Variants in ADPRHL1 observed in about 807,000 individuals in gnomAD.
ADPRHL1 encodes ADP-ribosylhydrolase like 1, also known as inactive ADP-ribosyltransferase ARH2.
In ADPRHL1, 43 loss-of-function variants were observed where a neutral mutation model predicts 44.1. The ratio of observed to expected loss-of-function variants is 0.98; its 90% CI spans 0.76 to 1.26. The LOEUF (loss-of-function observed/expected upper bound fraction) is 1.26, where lower values mean the gene tolerates loss of function less well. Ranked by LOEUF, ADPRHL1 falls within the 50% of genes most tolerant of loss-of-function variation. The probability of loss-of-function intolerance (pLI) is 0.00; values close to 1 mark genes in which losing one functional copy is unlikely to be tolerated. For synonymous variants in ADPRHL1, 878 were observed against 1,017.4 expected, an observed-to-expected ratio of 0.86 and a Z score of 2.61; for missense variants, 2,022 against 2,496.9, an observed-to-expected ratio of 0.81 and a Z score of 4.05.
intron 7 of ADPRHL1, among the ~76,000 whole-genome samples, chr13:113,415,202 C>T (rs772861160): frequency 6.6e-6 from 1 of 152,184 alleles, no homozygotes. Flanking sequence ...TGCTGGTCAG[C>T]CTAGAGGGAC....
intron 1 of ADPRHL1, among the ~76,000 whole-genome samples, chr13:113,449,853 G>A (rs897582848): frequency 1.3e-5 from 2 of 152,224 alleles, no homozygotes; most frequent in Admixed American, 6.5e-5. Flanking sequence ...CAGTCAGGGA[G>A]GATGCTTACG....
chr13:113,405,115 G>A lies in ADPRHL1; in HGVS notation c.4167C>T (p.Thr1389=), dbSNP rs1038367482. 6 of 1,232,116 alleles carry A rather than the reference G, an allele frequency of 4.9e-6. No homozygotes were observed. In the East Asian group the frequency reaches 9.5e-5, roughly 19 times the overall value. The allele number at this position is 1,232,116 out of a possible 1,614,324, so 76.3% of individuals were successfully genotyped here. The part of the protein sequence containing the change: ...RQQSHQAQEE[T]PQPGDAGKRV... Reference sequence around the variant, plus strand: ...TCTTCCCCGCATCCCCGGGCTGGGGGGTCTCCTCCTGTGCCTGGTGACTCT... The same window carrying A: ...TCTTCCCCGCATCCCCGGGCTGGGGAGTCTCCTCCTGTGCCTGGTGACTCT... Residue 1389 remains threonine, a synonymous_variant, in exon 8 of 8, where the codon ACC becomes ACT. Coordinates refer to ENST00000612156, the MANE Select transcript of ADPRHL1 (RefSeq NM_001394807.1).
chr13:113,437,619 C>T (rs926046952), intron 2 of ADPRHL1, among the ~76,000 whole-genome samples: 5 of 152,228 alleles, frequency 3.3e-5, no homozygotes, highest in African/African-American at 9.7e-5. Context: ...GAAGCGCCCA[C>T]GTTGTTGGGG....
chr13:113,411,831 T>C (rs1328671800), intron 7 of ADPRHL1, among the ~76,000 whole-genome samples: 1 of 152,226 alleles, frequency 6.6e-6, no homozygotes, highest in Non-Finnish European at 1.5e-5. Flanking sequence ...AGAGCCTTTG[T>C]GTTTTGCAAT....
chr13:113,439,126 T>C (rs1350459794), intron 2 of ADPRHL1, among the ~76,000 whole-genome samples: 1 of 152,168 alleles, frequency 6.6e-6, no homozygotes, highest in African/African-American at 2.4e-5. Flanking sequence ...CTTTTTTTTT[T>C]CTTTTTTTGA....
intron 1 of ADPRHL1, among the ~76,000 whole-genome samples, chr13:113,451,909 G>A (rs1595559256): frequency 1.3e-5 from 2 of 152,228 alleles, no homozygotes; most frequent in African/African-American, 4.8e-5. Flanking sequence ...CTTTTGGAGT[G>A]TCCTGTGCCG....
rs61278696 is a variant in ADPRHL1, at chr13:113,448,465, CAAAAAAAAA to C, written c.215-3885_215-3877del. On this transcript the variant is annotated intron_variant, in intron 1 of 7. Transcript: ENST00000612156. ...CGGGCAAAAGAGTGAGACTATGTCC[CAAAAAAAAA>C]AAAAAAAAAAAAAAAAATGGTGCCT... is the stretch of plus-strand genomic sequence containing the variant. Among the ~76,000 whole-genome samples, 4 of 39,852 alleles carry C rather than the reference CAAAAAAAAA, an allele frequency of 1.0e-4. 1 individual carries two copies. Among genetic ancestry groups the C allele is most frequent in the Admixed American group, 7.1e-4 (2 of 2,826 alleles). The allele number at this position is 39,852 out of a possible 152,430, so 26.1% of individuals were successfully genotyped here. A position where few individuals can be genotyped will look rare whatever the true frequency, so the allele number is the denominator to read the frequency against.
At chr13:113,435,571 T>C (rs1400931891) in intron 2 of ADPRHL1, among the ~76,000 whole-genome samples, 4 of 3,856 alleles carry the variant, frequency 1.0e-3, no homozygotes, top group Admixed American at 4.0e-3. Context: ...AGCACCCAGG[T>C]GTAGAGTGAA....
rs1555328357 is a variant in ADPRHL1, at chr13:113,450,962, C to CCT, written c.214+2260_214+2261dup. On this transcript the variant is annotated intron_variant, in intron 1 of 7. Transcript: ENST00000612156. ...CCTGGGGAAAGGGAGACCCCCCCCC[C>CCT]CTTCCTGGTCTGCTAAGTAGCAGGT... Among the ~76,000 whole-genome samples the CCT allele has an allele frequency of 2.6e-3, 399 of 151,808 alleles. 3 individuals are homozygous for CCT. Among genetic ancestry groups the CCT allele is most frequent in the African/African-American group, 8.4e-3 (349 of 41,332 alleles).
chr13:113,451,868 G>A (rs894492779), intron 1 of ADPRHL1, among the ~76,000 whole-genome samples: 12 of 152,124 alleles, frequency 7.9e-5, no homozygotes, highest in African/African-American at 2.2e-4. Context: ...TGTGAATTTC[G>A]TGTCCTGTTG....
rs1054152823 is a variant in ADPRHL1, at chr13:113,429,405, C to T, written c.506-313G>A. ...GTGACTGCTCTGGGTGCCTGCTCCT[C>T]GTGGGACCGCACGCGATTTGTCCCT... is the stretch of plus-strand genomic sequence containing the variant. On this transcript the variant is annotated intron_variant, in intron 3 of 7. Transcript: ENST00000612156. Among the ~76,000 whole-genome samples, 112 of 152,360 alleles carry T rather than the reference C, an allele frequency of 7.4e-4. 1 individual carries two copies. Among genetic ancestry groups the T allele is most frequent in the Non-Finnish European group, 2.9e-4 (20 of 68,038 alleles).
At chr13:113,416,915 G>A (rs1012830312) in intron 7 of ADPRHL1, among the ~76,000 whole-genome samples, 1 of 152,236 alleles carries the variant, frequency 6.6e-6, no homozygotes, top group South Asian at 2.1e-4. Context: ...GAGGGTGTGC[G>A]TGCGAATGCA....
intron 2 of ADPRHL1, among the ~76,000 whole-genome samples, chr13:113,439,897 T>C (rs1286452862): frequency 6.6e-6 from 1 of 152,216 alleles, no homozygotes; most frequent in Admixed American, 6.5e-5. Context: ...TATTCCCTTA[T>C]TTTCCTCTTA....
chr13:113,449,034 C>T (rs183712154), intron 1 of ADPRHL1: 6 of 986,980 alleles, frequency 6.1e-6, no homozygotes, highest in East Asian at 1.1e-4. Flanking sequence ...GGTGATAATG[C>T]GCTGGCAACA....
intron 4 of ADPRHL1, among the ~76,000 whole-genome samples, chr13:113,427,564 G>C (rs962309606): frequency 4.0e-5 from 6 of 151,382 alleles, no homozygotes. Flanking sequence ...TTGAGACGGA[G>C]TCTCTGTTGT....
At chr13:113,417,526 G>A (rs996210411) in intron 7 of ADPRHL1, among the ~76,000 whole-genome samples, 4 of 151,916 alleles carry the variant, frequency 2.6e-5, no homozygotes, top group African/African-American at 9.7e-5. Flanking sequence ...ATCAGGCGCG[G>A]TCCCTGCCTT....
At chr13:113,423,479 T>C (rs2043941752) in intron 6 of ADPRHL1, among the ~76,000 whole-genome samples, 1 of 152,238 alleles carries the variant, frequency 6.6e-6, no homozygotes, top group Non-Finnish European at 1.5e-5. Flanking sequence ...GAGCCGGCTC[T>C]GTGCAGAGGC....
intron 3 of ADPRHL1, among the ~76,000 whole-genome samples, chr13:113,429,523 CCGT>C (rs1401812285): frequency 5.3e-5 from 8 of 152,260 alleles, no homozygotes; most frequent in African/African-American, 1.9e-4. Context: ...GAATCGCATT[CCGT>C]GCGTGGACGA....
intron 7 of ADPRHL1, among the ~76,000 whole-genome samples, chr13:113,420,659 T>C (rs1259179603): frequency 6.6e-6 from 1 of 152,150 alleles, no homozygotes; most frequent in Non-Finnish European, 1.5e-5. Context: ...GTCTCTCTGG[T>C]TCTTCTGACT....
Sources: gnomAD v4.1 joint callset for allele counts (sites outside exome capture counted in the v4.1 genomes callset) on GRCh38, gnomAD v4.1.1 for gene constraint, MANE v1.5 for transcripts, NCBI Gene and HGNC (gene_info 2026-07-23, HGNC 2026-07-21) for gene names.